The following ATG3 variants were observed in gnomAD, a reference collection of about 807,000 sequenced individuals.
The protein encoded by ATG3 is ubiquitin-like-conjugating enzyme ATG3.
Under a neutral mutation model 50.7 loss-of-function variants are expected in ATG3, and 25 were observed. That is an observed-to-expected ratio of 0.49 (90% confidence interval 0.36 to 0.69). ATG3 has a LOEUF of 0.69. Among genes scored for constraint, ATG3 ranks in the 30% least tolerant of loss-of-function variants. The pLI is 0.00. For synonymous variants in ATG3, 119 were observed against 125.5 expected, an observed-to-expected ratio of 0.95 and a Z score of 0.34; for missense variants, 281 against 376.0, an observed-to-expected ratio of 0.75 and a Z score of 2.09.
chr3:112,558,350 G>A (rs759645976), intron 2 of ATG3, 26 bp downstream of exon 2: 1 of 1,543,866 alleles, frequency 6.5e-7, no homozygotes, highest in South Asian at 1.2e-5. Context: ...AAAATAAAAA[G>A]ACTTCAGTAT....
chr3:112,535,932 GT>G, intron 10 of ATG3: 1 of 153,260 alleles, frequency 6.5e-6, no homozygotes, highest in East Asian at 1.9e-4. Flanking sequence ...ATTTGGCTCT[GT>G]GAAAAAACAC....
Position 112,561,913 on chromosome 3 carries a change from T to C in ATG3, c.-385A>G, listed in dbSNP as rs1273178591. On this transcript the variant is annotated 5_prime_UTR_variant, in exon 1 of 12. Transcript: ENST00000283290. ...CGCGCCCCTTCCGGCTTCCCTTCCT[T>C]CTCACTCTCTTGCCGTAGCTGCGCC... 7 of 236,720 alleles carry C rather than the reference T, an allele frequency of 3.0e-5. No homozygotes were observed. The highest frequency in any genetic ancestry group is 5.0e-5 in the Non-Finnish European group (6 of 120,534). The allele number at this position is 236,720 out of a possible 1,614,324, so 14.7% of individuals were successfully genotyped here. A position where few individuals can be genotyped will look rare whatever the true frequency, so the allele number is the denominator to read the frequency against.
intron 1 of ATG3, among the ~76,000 whole-genome samples, chr3:112,560,703 AGGC>A (rs1180631530): frequency 6.6e-6 from 1 of 152,240 alleles, no homozygotes; most frequent in Non-Finnish European, 1.5e-5. Context: ...AAAAGCTTGA[AGGC>A]AGTTGTAGAA....
intron 2 of ATG3, among the ~76,000 whole-genome samples, chr3:112,556,996 AG>A: frequency 6.6e-6 from 1 of 152,022 alleles, no homozygotes; most frequent in East Asian, 1.9e-4. Context: ...CCCCTCTGCG[AG>A]AAACACCCAA....
intron 3 of ATG3, among the ~76,000 whole-genome samples, chr3:112,552,526 T>C (rs1253150227): frequency 6.6e-6 from 1 of 151,712 alleles, no homozygotes; most frequent in African/African-American, 2.4e-5. Flanking sequence ...CTTTTGAACC[T>C]AACAGAAAAC....
intron 4 of ATG3, 62 bp downstream of exon 4, chr3:112,550,130 G>T (rs567106500): frequency 2.4e-6 from 3 of 1,230,918 alleles, no homozygotes; most frequent in Non-Finnish European, 3.4e-6. Context: ...TAGAAAAACC[G>T]AGAGCTTCAT....
intron 3 of ATG3, among the ~76,000 whole-genome samples, chr3:112,551,606 A>G (rs561831837): frequency 4.5e-4 from 68 of 152,340 alleles, no homozygotes; most frequent in African/African-American, 1.6e-3. Context: ...CAACAATGCT[A>G]TAAATCAAAT....
intron 1 of ATG3, among the ~76,000 whole-genome samples, chr3:112,560,637 C>T (rs1215237772): frequency 4.0e-5 from 6 of 151,702 alleles, no homozygotes; most frequent in Non-Finnish European, 7.4e-5. Context: ...TTCTTGCTCA[C>T]TTTTCAGAAA....
At chr3:112,543,294 T>C (rs1236851787) in intron 6 of ATG3, among the ~76,000 whole-genome samples, 1 of 152,092 alleles carries the variant, frequency 6.6e-6, no homozygotes, top group Admixed American at 6.5e-5. Flanking sequence ...TTTCATATCA[T>C]TTCAAACAAC....
rs759683273 is a variant in ATG3, at chr3:112,532,737, T to C, written c.907A>G (p.Thr303Ala). Reference protein sequence around the residue: ...FLKFVQAVIPTIEYDYTRHFT... With the variant: ...FLKFVQAVIPAIEYDYTRHFT... ...TGTCTTGTGTAGTCATATTCTATTG[T>C]TGGAATGACAGCTTGTACAAATTTC... The change falls in exon 12 of 12, where the codon ACA becomes GCA. Residue 303 changes from threonine to alanine, a missense_variant. Physicochemically the swap from Thr to Ala is moderately conservative, Grantham distance 58. This residue lies in a region of ATG3 where 242 missense variants were observed against 305.0 expected (regional missense o/e 0.79). Coordinates refer to ENST00000283290, the MANE Select transcript of ATG3 (RefSeq NM_022488.5). 8 of 1,600,260 alleles carry C rather than the reference T, an allele frequency of 5.0e-6. No individual in the cohort carries two copies. Among genetic ancestry groups the C allele is most frequent in the Non-Finnish European group, 6.8e-6 (8 of 1,173,238 alleles).
chr3:112,544,200 C>CA, intron 5 of ATG3, 94 bp from the exon 6 acceptor site: 1 of 1,059,492 alleles, frequency 9.4e-7, no homozygotes, highest in East Asian at 2.4e-5. Flanking sequence ...AAAATTCTCA[C>CA]AATTTCTCTG....
chr3:112,532,854 T>C, intron 11 of ATG3, 74 bp from the exon 12 acceptor site: 1 of 1,412,606 alleles, frequency 7.1e-7, no homozygotes, highest in Non-Finnish European at 9.2e-7. Flanking sequence ...TAATTATCCA[T>C]TTTATTAAGC....
At chr3:112,557,992 A>G (rs1443020534) in intron 2 of ATG3, 1 of 164,254 alleles carries the variant, frequency 6.1e-6, no homozygotes, top group Admixed American at 6.4e-5. Context: ...AGTAGTAAGC[A>G]AAGTTTTCCA....
chr3:112,543,861 GGCA>G, intron 6 of ATG3, 193 bp downstream of exon 6: 1 of 416,688 alleles, frequency 2.4e-6, no homozygotes, highest in Non-Finnish European at 4.4e-6. Flanking sequence ...AGATGCATTA[GGCA>G]GCAGTAGTGT....
chr3:112,534,231 G>A, intron 11 of ATG3, 38 bp downstream of exon 11: 1 of 1,586,702 alleles, frequency 6.3e-7, no homozygotes, highest in Admixed American at 1.8e-5. Context: ...ATCGTTAACA[G>A]CCATTTTGCC....
chr3:112,545,024 G>C (rs563515067), intron 5 of ATG3, among the ~76,000 whole-genome samples: 5 of 152,222 alleles, frequency 3.3e-5, no homozygotes, highest in African/African-American at 1.2e-4. Context: ...ATACCCAAAG[G>C]TAGTAATATC....
chr3:112,535,024 T>C (rs994500883), intron 10 of ATG3: 37 of 132,628 alleles, frequency 2.8e-4, no homozygotes, highest in Admixed American at 2.7e-3. Context: ...TTTATTTATA[T>C]GAAGTTTTTG....
chr3:112,537,764 G>C lies in ATG3; in HGVS notation c.637C>G (p.Pro213Ala). ...TCATAGCCAAACAACCATAATCGTG[G>C]AGTCTGGTAATATTTATCATAAGTG... is the stretch of plus-strand genomic sequence containing the variant. ...YITYDKYYQT[P>A]RLWLFGYDEQ... The change falls in exon 9 of 12, where the codon CCA (proline) becomes GCA (alanine). Residue 213 changes from proline (P) to alanine (A), a missense_variant. Pro to Ala is a conservative substitution (Grantham distance 27, BLOSUM62 -1). Coordinates refer to ENST00000283290, the MANE Select transcript of ATG3 (RefSeq NM_022488.5). The C allele has an allele frequency of 6.3e-7, 1 of 1,593,928 alleles. No individual in the cohort carries two copies. The highest frequency in any genetic ancestry group is 8.5e-7 in the Non-Finnish European group (1 of 1,172,652).
At chr3:112,534,398 C>A in intron 10 of ATG3, 61 bp from the exon 11 acceptor site, 40 of 1,333,726 alleles carry the variant, frequency 3.0e-5, no homozygotes, top group Middle Eastern at 1.9e-4. Flanking sequence ...AGAAGAAAAA[C>A]ATATTTTCAT....
Sources: gnomAD v4.1 joint callset for allele counts (sites outside exome capture counted in the v4.1 genomes callset) on GRCh38, gnomAD v4.1.1 for gene constraint, gnomAD v4.1.1 regional missense constraint, MANE v1.5 for transcripts, NCBI Gene and HGNC (gene_info 2026-07-23, HGNC 2026-07-21) for gene names.